The following MAML2 variants were observed in gnomAD, a reference collection of about 807,000 sequenced individuals.
MAML2 encodes the protein mastermind like transcriptional coactivator 2.
Under a neutral mutation model 96.1 loss-of-function variants are expected in MAML2, and 22 were observed. The ratio of observed to expected loss-of-function variants is 0.23; its 90% CI spans 0.16 to 0.33. MAML2 has a LOEUF of 0.33. Among genes scored for constraint, MAML2 ranks in the 10% least tolerant of loss-of-function variants. The pLI, the probability that MAML2 is intolerant of heterozygous loss-of-function variation, is 1.00. For missense variants in MAML2, 1,367 were observed against 1,392.4 expected, an observed-to-expected ratio of 0.98 and a Z score of 0.29; for synonymous variants, 561 against 521.3, an observed-to-expected ratio of 1.08 and a Z score of -1.04.
At chr11:96,059,539 T>C (rs1859121725) in intron 2 of MAML2, among the ~76,000 whole-genome samples, 1 of 152,184 alleles carries the variant, frequency 6.6e-6, no homozygotes, top group Non-Finnish European at 1.5e-5. Flanking sequence ...TCCTATTTCG[T>C]GTACAAGTTG....
chr11:96,022,081 T>A (rs1260766818), intron 2 of MAML2, among the ~76,000 whole-genome samples: 1 of 152,184 alleles, frequency 6.6e-6, no homozygotes, highest in Non-Finnish European at 1.5e-5. Context: ...CTGCCTTGCC[T>A]AGGGCTGGCA....
chr11:95,996,286 GC>G (rs1417906635), intron 2 of MAML2, among the ~76,000 whole-genome samples: 2 of 152,150 alleles, frequency 1.3e-5, no homozygotes, highest in Admixed American at 6.5e-5. Context: ...GAATTGATGA[GC>G]TCCAAAATAA....
intron 1 of MAML2, among the ~76,000 whole-genome samples, chr11:96,280,827 G>T (rs1863054368): frequency 6.6e-6 from 1 of 152,120 alleles, no homozygotes; most frequent in East Asian, 1.9e-4. Context: ...TTATTCTGTG[G>T]TATAAACCTT....
intron 1 of MAML2, among the ~76,000 whole-genome samples, chr11:96,150,561 G>T (rs1350328806): frequency 6.6e-6 from 1 of 152,168 alleles, no homozygotes; most frequent in African/African-American, 2.4e-5. Flanking sequence ...TGAGGAAATT[G>T]CAAGTAGTTC....
Position 95,995,951 on chromosome 11 carries a change from G to A in MAML2, c.2140-4228C>T, listed in dbSNP as rs1857983759. On this transcript the variant is annotated intron_variant, in intron 2 of 4. Coordinates refer to ENST00000524717, the MANE Select transcript of MAML2 (RefSeq NM_032427.4). ...AAGCAATGCATAATCATTTCCATTA[G>A]GTGGTATGATACCTACTAGTGTCTT... Among the ~76,000 whole-genome samples the A allele has an allele frequency of 2.0e-5, 3 of 152,106 alleles. 1 individual carries two copies. The South Asian group carries it at 6.2e-4, about 32-fold the overall frequency.
At chr11:96,022,823 A>C (rs900289615) in intron 2 of MAML2, among the ~76,000 whole-genome samples, 6 of 151,580 alleles carry the variant, frequency 4.0e-5, no homozygotes, top group Non-Finnish European at 7.3e-5. Context: ...CCCATTATAA[A>C]GTGTTTTTTA....
intron 2 of MAML2, among the ~76,000 whole-genome samples, chr11:96,014,771 A>G (rs1383706087): frequency 6.6e-6 from 1 of 152,258 alleles, no homozygotes; most frequent in Non-Finnish European, 1.5e-5. Flanking sequence ...TAGAACAAAG[A>G]CTTAAATCAA....
intron 1 of MAML2, among the ~76,000 whole-genome samples, chr11:96,108,211 T>G (rs1860057250): frequency 6.6e-6 from 1 of 152,206 alleles, no homozygotes; most frequent in Non-Finnish European, 1.5e-5. Flanking sequence ...TCGTGTCAGC[T>G]GGAAAATTGC....
At chr11:96,217,104 A>G (rs1020234786) in intron 1 of MAML2, among the ~76,000 whole-genome samples, 5 of 152,236 alleles carry the variant, frequency 3.3e-5, no homozygotes, top group African/African-American at 9.6e-5. Flanking sequence ...CGCATCCAAC[A>G]TACTTTGCTC....
chr11:96,093,223 C>G lies in MAML2; in HGVS notation c.808G>C (p.Gly270Arg). The G allele has an allele frequency of 6.2e-7, 1 of 1,614,050 alleles. No individual in the cohort carries two copies. Among genetic ancestry groups the G allele is most frequent in the Non-Finnish European group, 8.5e-7 (1 of 1,179,900 alleles). Residue 270 changes from glycine to arginine, a missense_variant, in exon 2 of 5, where the codon GGA becomes CGA. Transcript: ENST00000524717. ...TGCTTACTGCAAGACAGAGTCTCTC[C>G]TGGCTCCTTCTTTACCTCCTTTAAG... ...MGLKEVKKEP[G>R]ETLSCSKHMD...
Position 95,979,963 on chromosome 11 carries a change from C to T in MAML2, c.2456G>A (p.Gly819Asp), listed in dbSNP as rs767045135. Reference protein sequence around the residue: ...GNMQPTAQYSGGSSTISLNSN... With the variant: ...GNMQPTAQYSDGSSTISLNSN... The stretch of plus-strand genomic sequence containing the variant: ...GTTTAAGCTTATTGTGGATGAGCCA[C>T]CTGAGAAAAAGAAGAGAATTTTATT... Residue 819 changes from glycine to aspartate, a missense_variant and splice_region_variant, in exon 5 of 5, where the codon GGT becomes GAT. Physicochemically the swap from Gly to Asp is moderately conservative, Grantham distance 94. Transcript: ENST00000524717. 4.4e-6 allele frequency: 7 copies of T among 1,603,240 alleles called. No homozygotes were observed. The Admixed American group carries it at 1.0e-4, about 24-fold the overall frequency.
At chr11:96,293,998 A>G (rs1591118184) in intron 1 of MAML2, among the ~76,000 whole-genome samples, 1 of 152,216 alleles carries the variant, frequency 6.6e-6, no homozygotes, top group Non-Finnish European at 1.5e-5. Context: ...TGGAAAATAA[A>G]TGCTGAATGC....
intron 1 of MAML2, among the ~76,000 whole-genome samples, chr11:96,297,868 A>G (rs1171122799): frequency 1.3e-5 from 2 of 152,142 alleles, no homozygotes. Flanking sequence ...TATAACCAAA[A>G]TGTCACTATT....
At position 95,979,147 on chromosome 11, in the gene MAML2, T is replaced by G. The variant is rs552131622; in HGVS notation, c.3272A>C (p.Asn1091Thr). 109 of 1,613,910 alleles carry G rather than the reference T, an allele frequency of 6.8e-5. No homozygotes were observed. The South Asian group carries it at 1.1e-3, about 16-fold the overall frequency. The part of the protein sequence containing the change: ...SLTPSNFPSP[N>T]QSSRAFQGTD... Reference sequence around the variant, plus strand: ...TCCTTGAAAAGCCCTGGAACTTTGGTTGGGTGAAGGAAAATTGCTGGGCGT... The same window carrying G: ...TCCTTGAAAAGCCCTGGAACTTTGGGTGGGTGAAGGAAAATTGCTGGGCGT... Residue 1091 changes from asparagine to threonine, a missense_variant, in exon 5 of 5, where the codon AAC becomes ACC. Asn to Thr is a moderately conservative substitution (Grantham distance 65). Coordinates refer to ENST00000524717, the MANE Select transcript of MAML2 (RefSeq NM_032427.4).
At chr11:96,226,127 G>C (rs1256811711) in intron 1 of MAML2, among the ~76,000 whole-genome samples, 1 of 152,202 alleles carries the variant, frequency 6.6e-6, no homozygotes, top group Non-Finnish European at 1.5e-5. Flanking sequence ...CAATATCCTA[G>C]TGTTCCCCAC....
intron 1 of MAML2, among the ~76,000 whole-genome samples, chr11:96,214,687 T>C (rs753184122): frequency 6.6e-6 from 1 of 152,238 alleles, no homozygotes; most frequent in Non-Finnish European, 1.5e-5. Flanking sequence ...TTCTAGGTCA[T>C]TGGCCAACAT....
intron 1 of MAML2, among the ~76,000 whole-genome samples, chr11:96,122,529 T>C (rs999163155): frequency 2.1e-5 from 3 of 142,188 alleles, no homozygotes; most frequent in Non-Finnish European, 3.1e-5. Flanking sequence ...TGTGTGTGTG[T>C]GCACGTGCAC....
chr11:96,215,690 G>A (rs1035876591), intron 1 of MAML2, among the ~76,000 whole-genome samples: 1 of 151,758 alleles, frequency 6.6e-6, no homozygotes, highest in Non-Finnish European at 1.5e-5. Context: ...GCTCGTTCCT[G>A]CACTTCCTCC....
chr11:95,989,167 A>G (rs971808283), intron 3 of MAML2, among the ~76,000 whole-genome samples: 1 of 152,256 alleles, frequency 6.6e-6, no homozygotes, highest in Non-Finnish European at 1.5e-5. Flanking sequence ...TCATGAGACA[A>G]CGTCTCAATT....
Sources: allele counts gnomAD v4.1 joint callset (sites outside exome capture counted in the v4.1 genomes callset), GRCh38; gene constraint gnomAD v4.1.1; transcripts MANE v1.5; gene names NCBI Gene and HGNC (gene_info 2026-07-23, HGNC 2026-07-21).